Variants in TIGAR observed in about 807,000 individuals in gnomAD.
TIGAR encodes the protein TP53 induced glycolysis regulatory phosphatase.
TIGAR carries 7 observed loss-of-function variants against 17.9 expected under a neutral mutation model. The ratio of observed to expected loss-of-function variants is 0.39; its 90% CI spans 0.22 to 0.73. The LOEUF (loss-of-function observed/expected upper bound fraction) is 0.73, where lower values mean the gene tolerates loss of function less well. Among genes scored for constraint, TIGAR ranks in the 30% least tolerant of loss-of-function variants. The pLI is 0.42. For missense variants in TIGAR, 258 were observed against 327.4 expected, an observed-to-expected ratio of 0.79 and a Z score of 1.64; for synonymous variants, 94 against 108.6, an observed-to-expected ratio of 0.87 and a Z score of 0.84.
intron 5 of TIGAR, among the ~76,000 whole-genome samples, chr12:4,351,724 T>C (rs1038081923): frequency 6.6e-5 from 10 of 152,238 alleles, no homozygotes; most frequent in African/African-American, 2.4e-4. Context: ...AAGCCTCTGC[T>C]GCCTCCTCAG....
intron 2 of TIGAR, among the ~76,000 whole-genome samples, chr12:4,336,099 G>T (rs948394574): frequency 6.6e-6 from 1 of 152,210 alleles, no homozygotes; most frequent in Non-Finnish European, 1.5e-5. Context: ...ATTTTCTTGT[G>T]TGTTGAATCT....
At chr12:4,329,860 A>C (rs776369998) in intron 1 of TIGAR, among the ~76,000 whole-genome samples, 3 of 152,134 alleles carry the variant, frequency 2.0e-5, no homozygotes, top group Non-Finnish European at 2.9e-5. Context: ...TGGAGCCAGG[A>C]TAGACACAGA....
In TIGAR at chr12:4,351,135, G is replaced by T. The variant is rs532548160; in HGVS notation, c.271-132G>T. 5 of 743,808 alleles carry T rather than the reference G, an allele frequency of 6.7e-6. No homozygotes were observed. The South Asian group carries it at 6.8e-5, about 10-fold the overall frequency. 46.1% of individuals were successfully genotyped at this position (743,808 alleles called of 1,614,324 possible). On this transcript the variant is annotated intron_variant, in intron 4 of 5. Coordinates refer to ENST00000179259, the MANE Select transcript of TIGAR (RefSeq NM_020375.3). The stretch of plus-strand genomic sequence containing the variant: ...GTACATTCTCATTATCAGTTCAGAG[G>T]AGATAGAATCAATTAAGTGGAGGAG...
chr12:4,327,168 G>A (rs981967937), intron 1 of TIGAR, among the ~76,000 whole-genome samples: 5 of 152,132 alleles, frequency 3.3e-5, no homozygotes, highest in African/African-American at 1.2e-4. Flanking sequence ...CAGCACTTTG[G>A]GAGGCCGAGG....
chr12:4,348,018 C>A (rs1345540741), intron 3 of TIGAR, among the ~76,000 whole-genome samples: 1 of 151,940 alleles, frequency 6.6e-6, no homozygotes, highest in Non-Finnish European at 1.5e-5. Context: ...TGCCTGTAGT[C>A]CCAGCTACTT....
rs897610489 is a variant in TIGAR, at chr12:4,356,088, G to C, written c.*3397G>C. On this transcript the variant is annotated 3_prime_UTR_variant, in exon 6 of 6. Transcript: ENST00000179259. The stretch of plus-strand genomic sequence containing the variant: ...TGATGTGATCAGACTTGTTTCAGCA[G>C]GACCATCCTGCTTGCAATGTGGAGA... Among the ~76,000 whole-genome samples the C allele has an allele frequency of 1.3e-5, 2 of 152,204 alleles. No individual in the cohort carries two copies. Among genetic ancestry groups the C allele is most frequent in the Non-Finnish European group, 2.9e-5 (2 of 68,040 alleles).
chr12:4,330,610 T>C (rs1352976868), intron 1 of TIGAR, among the ~76,000 whole-genome samples: 1 of 152,172 alleles, frequency 6.6e-6, no homozygotes, highest in African/African-American at 2.4e-5. Flanking sequence ...CTTTTCCCCC[T>C]CCAGCCTCAG....
Position 4,333,853 on chromosome 12 carries a change from G to C in TIGAR, c.70+2536G>C, listed in dbSNP as rs1034681305. Reference sequence around the variant, plus strand: ...GACCTCAGGTGACCCATCTGCCTTGGCCTCCCAAAGTGTTGGGATTACAGG... The same window carrying C: ...GACCTCAGGTGACCCATCTGCCTTGCCCTCCCAAAGTGTTGGGATTACAGG... On this transcript the variant is annotated intron_variant, in intron 2 of 5. Coordinates refer to ENST00000179259, the MANE Select transcript of TIGAR (RefSeq NM_020375.3). Among the ~76,000 whole-genome samples the C allele has an allele frequency of 1.4e-4, 21 of 152,314 alleles. No homozygotes were observed. The East Asian group carries it at 4.0e-3, about 29-fold the overall frequency.
intron 1 of TIGAR, among the ~76,000 whole-genome samples, chr12:4,330,364 C>T (rs933763509): frequency 6.6e-6 from 1 of 152,162 alleles, no homozygotes; most frequent in Non-Finnish European, 1.5e-5. Flanking sequence ...GAGGGTGGTA[C>T]ACCACACTAC....
Position 4,356,015 on chromosome 12 carries a change from T to C in TIGAR, c.*3324T>C, listed in dbSNP as rs1383349272. 6.6e-6 allele frequency among the ~76,000 whole-genome samples: 1 copy of C among 152,202 alleles called. No individual in the cohort carries two copies. Among genetic ancestry groups the C allele is most frequent in the African/African-American group, 2.4e-5 (1 of 41,438 alleles). On this transcript the variant is annotated 3_prime_UTR_variant, in exon 6 of 6. Transcript: ENST00000179259. ...GGCCTGGTGGCCTGTGCTGAGGCCTTGGGCTTTTACTCAAGTGAGATGAGA... is the reference window on the plus strand; with the variant it reads ...GGCCTGGTGGCCTGTGCTGAGGCCTCGGGCTTTTACTCAAGTGAGATGAGA...
intron 4 of TIGAR, 141 bp from the exon 5 acceptor site, chr12:4,351,126 A>T (rs1481811646): frequency 1.8e-5 from 12 of 673,124 alleles, no homozygotes; most frequent in Non-Finnish European, 2.8e-5. Context: ...TCTCATTATC[A>T]GTTCAGAGGA....
In TIGAR at chr12:4,356,263, T is replaced by C. The variant is rs1264221251; in HGVS notation, c.*3572T>C. 1.3e-5 allele frequency among the ~76,000 whole-genome samples: 2 copies of C among 152,198 alleles called. No individual in the cohort carries two copies. The highest frequency in any genetic ancestry group is 2.9e-5 in the Non-Finnish European group (2 of 68,030). ...AATGGCTAACTAAGGAGCCTGGACA[T>C]TGAATTTCTAGGTTAGCTTAGGATT... On this transcript the variant is annotated 3_prime_UTR_variant, in exon 6 of 6. Coordinates refer to ENST00000179259, the MANE Select transcript of TIGAR (RefSeq NM_020375.3).
At position 4,352,241 on chromosome 12, in the gene TIGAR, T is replaced by C; in HGVS notation, c.382-19T>C. The C allele has an allele frequency of 1.3e-6, 2 of 1,590,834 alleles. No individual in the cohort carries two copies. Among genetic ancestry groups the C allele is most frequent in the African/African-American group, 1.4e-5 (1 of 73,782 alleles). On this transcript the variant is annotated intron_variant, in intron 5 of 5. Transcript: ENST00000179259. ...TCATTAATGTCACTTTATTTTGACT[T>C]TTATTTCTTTTCTTGTAGGTGAAAA... is the stretch of plus-strand genomic sequence containing the variant.
At chr12:4,339,533 C>G (rs1780876282) in intron 3 of TIGAR, among the ~76,000 whole-genome samples, 1 of 152,184 alleles carries the variant, frequency 6.6e-6, no homozygotes, top group African/African-American at 2.4e-5. Flanking sequence ...GGGAATACTT[C>G]CAAACTTATT....
In TIGAR at chr12:4,352,631, G is replaced by A. The variant is rs145068766; in HGVS notation, c.753G>A (p.Thr251=). 105 of 1,607,886 alleles carry A rather than the reference G, an allele frequency of 6.5e-5. No homozygotes were observed. In the African/African-American group the frequency reaches 7.2e-4, roughly 11 times the overall value. ...AGGAAGGAAGAGAAGTTAAACCAAC[G>A]GTTCAGTGTATTTGTATGAACCTAC... The part of the protein sequence containing the change: ...NFEEGREVKP[T]VQCICMNLQD... Residue 251 remains threonine (T), a synonymous_variant, in exon 6 of 6, where the codon ACG becomes ACA. Transcript: ENST00000179259.
At chr12:4,339,463 C>T (rs529662090) in intron 3 of TIGAR, among the ~76,000 whole-genome samples, 16 of 152,088 alleles carry the variant, frequency 1.1e-4, no homozygotes, top group Non-Finnish European at 2.1e-4. Flanking sequence ...CTGAATTCTA[C>T]CAAACATCTA....
chr12:4,328,714 C>T (rs572832417), intron 1 of TIGAR, among the ~76,000 whole-genome samples: 3 of 151,620 alleles, frequency 2.0e-5, no homozygotes, highest in East Asian at 1.9e-4. Flanking sequence ...GTAGCTGGGA[C>T]TACAGGCACT....
chr12:4,347,786 A>T (rs570550552), intron 3 of TIGAR, among the ~76,000 whole-genome samples: 29 of 152,240 alleles, frequency 1.9e-4, no homozygotes, highest in Non-Finnish European at 5.9e-5. Context: ...TGAAGTGATC[A>T]TTATAGATAA....
At position 4,358,097 on chromosome 12, in the gene TIGAR, G is replaced by C. The variant is rs1470483500; in HGVS notation, c.*5406G>C. Reference sequence around the variant, plus strand: ...GCAGCCTGGGTGACAGAGCAAGACTGGGTCTCAAAAAAAAAAAAAAAAAAT... The same window carrying C: ...GCAGCCTGGGTGACAGAGCAAGACTCGGTCTCAAAAAAAAAAAAAAAAAAT... On this transcript the variant is annotated 3_prime_UTR_variant, in exon 6 of 6. Transcript: ENST00000179259. Among the ~76,000 whole-genome samples, 3 of 78,298 alleles carry C rather than the reference G, an allele frequency of 3.8e-5. No individual in the cohort carries two copies. Among genetic ancestry groups the C allele is most frequent in the East Asian group, 3.9e-4 (1 of 2,550 alleles). 51.4% of individuals were successfully genotyped at this position (78,298 alleles called of 152,430 possible). A position where few individuals can be genotyped will look rare whatever the true frequency, so the allele number is the denominator to read the frequency against.
Sources: gnomAD v4.1 joint callset for allele counts (sites outside exome capture counted in the v4.1 genomes callset) on GRCh38, gnomAD v4.1.1 for gene constraint, MANE v1.5 for transcripts, NCBI Gene and HGNC (gene_info 2026-07-23, HGNC 2026-07-21) for gene names.